SRFBP1: variants seen among roughly 807,000 people sequenced by gnomAD.
The protein encoded by SRFBP1 is serum response factor binding protein 1.
Under a neutral mutation model 45.5 loss-of-function variants are expected in SRFBP1, and 47 were observed. The ratio of observed to expected loss-of-function variants is 1.03; its 90% confidence interval spans 0.82 to 1.32. SRFBP1 has a LOEUF of 1.32. SRFBP1 is among the 40% of genes most tolerant of loss of function. The probability of loss-of-function intolerance (pLI) is 0.00; values close to 1 mark genes in which losing one functional copy is unlikely to be tolerated. For missense variants in SRFBP1, 621 were observed against 484.6 expected, an observed-to-expected ratio of 1.28 and a Z score of -2.64; for synonymous variants, 203 against 166.3, an observed-to-expected ratio of 1.22 and a Z score of -1.70.
At chr5:121,990,817 CAT>C (rs549821655) in intron 3 of SRFBP1, among the ~76,000 whole-genome samples, 1 of 152,284 alleles carries the variant, frequency 6.6e-6, no homozygotes, top group South Asian at 2.1e-4. Flanking sequence ...CTTTTGACTA[CAT>C]GTCTTATTGC....
intron 3 of SRFBP1, among the ~76,000 whole-genome samples, chr5:121,982,549 C>A (rs995792708): frequency 9.9e-5 from 15 of 151,836 alleles, no homozygotes; most frequent in African/African-American, 3.6e-4. Context: ...TAAATAAGAA[C>A]ATATGTGAAA....
At chr5:122,006,800 T>C (rs1443336146) in intron 4 of SRFBP1, among the ~76,000 whole-genome samples, 1 of 151,100 alleles carries the variant, frequency 6.6e-6, no homozygotes, top group East Asian at 1.9e-4. Flanking sequence ...TTGTTTTCTT[T>C]ATATTATTAA....
chr5:122,036,403 G>T (rs1336248863), intron 2 of SRFBP1, among the ~76,000 whole-genome samples: 1 of 152,222 alleles, frequency 6.6e-6, no homozygotes, highest in South Asian at 2.1e-4. Context: ...TGCACAAGTT[G>T]TCACACATTG....
At chr5:122,076,971 T>C, downstream of SRFBP1, 1 of 1,613,546 alleles carries the variant, frequency 6.2e-7, no homozygotes, top group East Asian at 2.2e-5. Flanking sequence ...CGCCTGGATG[T>C]AGTAGGGGTC....
intron 2 of SRFBP1, among the ~76,000 whole-genome samples, chr5:122,067,026 C>CTGG (rs1754318995): frequency 6.6e-6 from 1 of 152,110 alleles, no homozygotes; most frequent in African/African-American, 2.4e-5. Flanking sequence ...AGCAGGACTT[C>CTGG]TGGGACCAGC....
At chr5:121,999,571 A>G (rs564400472) in intron 4 of SRFBP1, among the ~76,000 whole-genome samples, 3 of 151,898 alleles carry the variant, frequency 2.0e-5, no homozygotes, top group Non-Finnish European at 4.4e-5. Context: ...CAGTTTGCCT[A>G]TTTGATCTTT....
chr5:121,979,713 CTA>C (rs1182057673), intron 3 of SRFBP1, among the ~76,000 whole-genome samples: 1 of 152,154 alleles, frequency 6.6e-6, no homozygotes. Flanking sequence ...ATCTGGGACA[CTA>C]TGTAATTCCA....
At chr5:122,062,863 GATGTGTGTGTGTGT>G (rs1237275125) in intron 2 of SRFBP1, among the ~76,000 whole-genome samples, 2 of 151,774 alleles carry the variant, frequency 1.3e-5, no homozygotes, top group East Asian at 1.9e-4. Context: ...GCTAGAATTA[GATGTGTGTGTGTGT>G]ATGTGTGTGT....
At chr5:121,994,399 A>C (rs1182968273) in intron 3 of SRFBP1, among the ~76,000 whole-genome samples, 200 bp from the exon 4 acceptor site, 1 of 151,996 alleles carries the variant, frequency 6.6e-6, no homozygotes, top group Non-Finnish European at 1.5e-5. Context: ...TTTTTCTTTT[A>C]ATAGGCACAT....
intron 2 of SRFBP1, among the ~76,000 whole-genome samples, chr5:122,034,378 T>A (rs1335982071): frequency 6.6e-6 from 1 of 152,196 alleles, no homozygotes; most frequent in Non-Finnish European, 1.5e-5. Context: ...AAATCTTAAA[T>A]TTGGTATTTA....
At chr5:122,002,958 T>C (rs1040595337) in intron 4 of SRFBP1, among the ~76,000 whole-genome samples, 7 of 152,224 alleles carry the variant, frequency 4.6e-5, no homozygotes, top group African/African-American at 1.7e-4. Context: ...AGGCATTTTA[T>C]GGCTAGAAAA....
chr5:122,049,202 CA>C (rs909354883), intron 2 of SRFBP1, among the ~76,000 whole-genome samples: 2 of 151,800 alleles, frequency 1.3e-5, no homozygotes, highest in African/African-American at 4.8e-5. Context: ...AAATGGAAGA[CA>C]AAAAAATGCA....
rs77998317 is a variant in SRFBP1 at position 122,036,153 on chromosome 5, A to G, written n.311+13746A>G. Among the ~76,000 whole-genome samples the G allele has an allele frequency of 4.1e-3, 621 of 152,136 alleles. 15 individuals are homozygous for G. In the East Asian group the frequency reaches 0.053, roughly 13 times the overall value. On this transcript the variant is annotated intron_variant and non_coding_transcript_variant, in intron 2 of 2. Transcript: ENST00000504881. Reference sequence around the variant, plus strand: ...TCAGCTCCTGGGAGATGAGCTCTGAACTAACAATTCTTTCTGATAAGAGCA... The same window carrying G: ...TCAGCTCCTGGGAGATGAGCTCTGAGCTAACAATTCTTTCTGATAAGAGCA...
At chr5:122,043,880 G>A (rs530374211) in intron 2 of SRFBP1, among the ~76,000 whole-genome samples, 8 of 152,002 alleles carry the variant, frequency 5.3e-5, no homozygotes, top group Middle Eastern at 3.4e-3. Flanking sequence ...AAGTTTTAGG[G>A]GTGGATGTGC....
intron 2 of SRFBP1, among the ~76,000 whole-genome samples, chr5:122,041,875 T>G (rs1700308479): frequency 6.6e-6 from 1 of 152,208 alleles, no homozygotes; most frequent in Non-Finnish European, 1.5e-5. Flanking sequence ...ACCACCTTGT[T>G]TATTTCTGAC....
chr5:122,075,664 C>A, downstream of SRFBP1: 2 of 622,574 alleles, frequency 3.2e-6, no homozygotes, highest in Non-Finnish European at 5.1e-6. Context: ...CTATCAGTTC[C>A]AAGAGTCTAA....
At chr5:122,028,756 A>G (rs1017865290), downstream of SRFBP1, 1 of 152,234 alleles carries the variant, frequency 6.6e-6, no homozygotes. Context: ...ACAAAAAAGT[A>G]AAAGGAAAAT....
At chr5:121,974,110 A>C in intron 1 of SRFBP1, 86 bp from the exon 2 acceptor site, 1 of 860,400 alleles carries the variant, frequency 1.2e-6, no homozygotes, top group Non-Finnish European at 1.9e-6. Flanking sequence ...GTGGTAGACT[A>C]AGTCTCAAAT....
chr5:121,975,434 T>C, intron 3 of SRFBP1, 47 bp downstream of exon 3: 1 of 1,600,152 alleles, frequency 6.2e-7, no homozygotes, highest in Non-Finnish European at 8.6e-7. Context: ...CTGAGTATCC[T>C]GTTATCCTGC....
Sources: gnomAD v4.1 joint callset for allele counts (sites outside exome capture counted in the v4.1 genomes callset) on GRCh38, gnomAD v4.1.1 for gene constraint, MANE v1.5 for transcripts, NCBI Gene and HGNC (gene_info 2026-07-23, HGNC 2026-07-21) for gene names.